YPEL2: variants seen among roughly 807,000 people sequenced by gnomAD.
The protein encoded by YPEL2 is protein yippee-like 2.
Under a neutral mutation model 19.1 loss-of-function variants are expected in YPEL2, and 2 were observed. That is an observed-to-expected ratio of 0.10 (90% CI 0.04 to 0.33). The LOEUF is 0.33. Ranked by LOEUF, YPEL2 falls within the 10% of genes least tolerant of loss-of-function variation. The pLI is 1.00. For synonymous variants in YPEL2, 52 were observed against 50.0 expected (o/e 1.04, Z -0.17); for missense variants, 66 against 140.7 (o/e 0.47, Z 2.68).
intron 4 of YPEL2, among the ~76,000 whole-genome samples, chr17:59,392,395 A>G (rs2048011821): frequency 1.3e-5 from 2 of 152,190 alleles, no homozygotes; most frequent in Admixed American, 6.5e-5. Context: ...GAAAACCAAC[A>G]TGAAAACAGA....
At chr17:59,332,711 G>C (rs2147930392) in intron 1 of YPEL2, among the ~76,000 whole-genome samples, 1 of 152,310 alleles carries the variant, frequency 6.6e-6, no homozygotes, top group Non-Finnish European at 1.5e-5. Context: ...AGTTTAAAAA[G>C]CCAGGTGAGC....
At chr17:59,384,441 G>GT (rs1007779621) in intron 2 of YPEL2, among the ~76,000 whole-genome samples, 3 of 151,998 alleles carry the variant, frequency 2.0e-5, no homozygotes, top group Non-Finnish European at 4.4e-5. Flanking sequence ...TTAAAATCGT[G>GT]TTTTTTAAAA....
At chr17:59,362,265 G>GTTT (rs111399720) in intron 2 of YPEL2, among the ~76,000 whole-genome samples, 2 of 142,530 alleles carry the variant, frequency 1.4e-5, no homozygotes, top group Admixed American at 7.1e-5. Context: ...GCATTCTATG[G>GTTT]TTTTTTTTTT....
intron 4 of YPEL2, among the ~76,000 whole-genome samples, chr17:59,394,537 C>G (rs910847450): frequency 6.6e-6 from 1 of 151,288 alleles, no homozygotes; most frequent in Non-Finnish European, 1.5e-5. Flanking sequence ...GATGGGCGGC[C>G]GGGCAGAGAC....
chr17:59,351,587 T>C (rs1332118582), intron 1 of YPEL2, among the ~76,000 whole-genome samples: 1 of 152,190 alleles, frequency 6.6e-6, no homozygotes, highest in Non-Finnish European at 1.5e-5. Context: ...TCTTTCGTCC[T>C]ATCTCCTGTG....
chr17:59,353,424 A>G lies in YPEL2; in HGVS notation c.15A>G (p.Thr5=). The G allele has an allele frequency of 6.3e-7, 1 of 1,593,780 alleles. No individual in the cohort carries two copies. The highest frequency in any genetic ancestry group is 8.6e-7 in the Non-Finnish European group (1 of 1,169,108). ...CAGCAGCACCAATGGTGAAGATGAC[A>G]AGATCGAAGACTTTCCAGGCATATC... MVKM[T]RSKTFQAYLP... Residue 5 remains threonine, a synonymous_variant, in exon 2 of 5, where the codon ACA becomes ACG. Transcript: ENST00000312655. This position sits in a 1 kb window ranked among gnomAD's most constrained non-coding sequence, Gnocchi z 4.8.
intron 2 of YPEL2, among the ~76,000 whole-genome samples, chr17:59,361,883 G>T (rs112110079): frequency 0.013 from 1,961 of 152,296 alleles, 45 homozygotes; most frequent in Middle Eastern, 0.044. Context: ...TCAAATGATG[G>T]GGAGGAGCTG....
intron 1 of YPEL2, among the ~76,000 whole-genome samples, chr17:59,352,311 C>CAGAGGGA (rs1266876944): frequency 1.3e-5 from 2 of 152,230 alleles, no homozygotes; most frequent in South Asian, 4.2e-4. Flanking sequence ...GAGTCTTAGA[C>CAGAGGGA]CTCGTGGCCC....
chr17:59,336,909 C>T (rs1411600746), intron 1 of YPEL2, among the ~76,000 whole-genome samples: 1 of 152,186 alleles, frequency 6.6e-6, no homozygotes, highest in Non-Finnish European at 1.5e-5. Flanking sequence ...GTAACAGTTA[C>T]AGAAGTTTTT....
At chr17:59,366,546 G>C (rs909225483) in intron 2 of YPEL2, among the ~76,000 whole-genome samples, 5 of 152,148 alleles carry the variant, frequency 3.3e-5, no homozygotes, top group South Asian at 4.1e-4. Flanking sequence ...TAGCCCAGCC[G>C]AGTCGGGCAG....
At chr17:59,388,658 G>C (rs1453102809) in intron 3 of YPEL2, among the ~76,000 whole-genome samples, 2 of 152,190 alleles carry the variant, frequency 1.3e-5, no homozygotes, top group Non-Finnish European at 2.9e-5. Context: ...AACCTGAAGG[G>C]CTCATAATGA....
intron 2 of YPEL2, among the ~76,000 whole-genome samples, chr17:59,364,689 C>T (rs1042355236): frequency 6.7e-6 from 1 of 149,752 alleles, no homozygotes; most frequent in African/African-American, 2.5e-5. Flanking sequence ...ACGATCTTAG[C>T]TCACTGCAAC....
chr17:59,375,796 C>CA (rs1192367140), intron 2 of YPEL2, among the ~76,000 whole-genome samples: 13 of 152,216 alleles, frequency 8.5e-5, no homozygotes, highest in Non-Finnish European at 1.8e-4. Flanking sequence ...AATATGGAAT[C>CA]AGAGCAGAGA....
At position 59,394,785 on chromosome 17, in the gene YPEL2, T is replaced by G. The variant is rs554551844; in HGVS notation, c.271-2316T>G. Among the ~76,000 whole-genome samples the G allele has an allele frequency of 3.9e-5, 6 of 152,272 alleles. No homozygotes were observed. In the East Asian group the frequency reaches 1.2e-3, roughly 29 times the overall value. On this transcript the variant is annotated intron_variant, in intron 4 of 4. Coordinates refer to ENST00000312655, the MANE Select transcript of YPEL2 (RefSeq NM_001005404.4). ...CGAGCCGAGATCACGCCACTGCACT[T>G]CAGCCTGGGCACCATTGAGCACTGA... is the stretch of plus-strand genomic sequence containing the variant.
intron 2 of YPEL2, among the ~76,000 whole-genome samples, chr17:59,371,914 T>TG (rs1305869807): frequency 6.6e-6 from 1 of 152,154 alleles, no homozygotes; most frequent in Non-Finnish European, 1.5e-5. Flanking sequence ...CTCACTTCTT[T>TG]GGGGAATGAA....
At chr17:59,397,008 G>T in intron 4 of YPEL2, 93 bp from the exon 5 acceptor site, 1 of 882,028 alleles carries the variant, frequency 1.1e-6, no homozygotes, top group Non-Finnish European at 1.7e-6. Context: ...TCCAGCCTGG[G>T]TGACAGAGTG....
At chr17:59,383,619 T>A (rs1174249917) in intron 2 of YPEL2, among the ~76,000 whole-genome samples, 15 of 36,050 alleles carry the variant, frequency 4.2e-4, no homozygotes, top group African/African-American at 1.8e-3. Context: ...AATATATATA[T>A]ATATATATAT....
At chr17:59,354,765 T>G (rs542511225) in intron 2 of YPEL2, 129 of 152,476 alleles carry the variant, frequency 8.5e-4, no homozygotes, top group African/African-American at 2.7e-3. Flanking sequence ...CTTTCCTTTC[T>G]TTATGGTTCT....
At chr17:59,382,945 GAA>G (rs775661868) in intron 2 of YPEL2, among the ~76,000 whole-genome samples, 3 of 152,080 alleles carry the variant, frequency 2.0e-5, no homozygotes, top group Non-Finnish European at 4.4e-5. Context: ...GCCTAGCACT[GAA>G]AAGTGTTCTT....
Sources: gnomAD v4.1 joint callset for allele counts (sites outside exome capture counted in the v4.1 genomes callset) on GRCh38, gnomAD v4.1.1 for gene constraint, Gnocchi (gnomAD v3.1) non-coding constraint, MANE v1.5 for transcripts, NCBI Gene and HGNC (gene_info 2026-07-23, HGNC 2026-07-21) for gene names.